The following HECW2 variants were observed in gnomAD, a reference collection of about 807,000 sequenced individuals.
HECW2 encodes the protein HECT, C2 and WW domain containing E3 ubiquitin protein ligase 2.
A neutral mutation model predicts 175.2 loss-of-function variants in HECW2; 61 were observed. That is an observed-to-expected ratio of 0.35 (90% CI 0.28 to 0.43). The LOEUF (loss-of-function observed/expected upper bound fraction) is 0.43, where lower values mean the gene tolerates loss of function less well. Among genes scored for constraint, HECW2 ranks in the 20% least tolerant of loss-of-function variants. The pLI is 1.00. For missense variants in HECW2, 1,524 were observed against 2,000.5 expected, an observed-to-expected ratio of 0.76 and a Z score of 4.54; for synonymous variants, 671 against 731.0, an observed-to-expected ratio of 0.92 and a Z score of 1.32.
intron 17 of HECW2, among the ~76,000 whole-genome samples, chr2:196,261,152 A>G (rs1689275547): frequency 6.6e-6 from 1 of 152,218 alleles, no homozygotes; most frequent in Non-Finnish European, 1.5e-5. Flanking sequence ...CACTTCGCTT[A>G]GCAATTAAAA....
chr2:196,571,136 C>A (rs1375599216), intron 1 of HECW2, among the ~76,000 whole-genome samples: 1 of 152,184 alleles, frequency 6.6e-6, no homozygotes, highest in East Asian at 1.9e-4. Flanking sequence ...TCTTCCTTTA[C>A]ACAAAAATAA....
chr2:196,299,789 C>T lies in HECW2; in HGVS notation c.2814+6699G>A, dbSNP rs1366249124. On this transcript the variant is annotated intron_variant, in intron 13 of 28. Coordinates refer to ENST00000644978, the MANE Select transcript of HECW2 (RefSeq NM_001348768.2). ...CTAAAAATACAAAAAATTAGCCGGGCGTGGTGGCGGGCATCTTTGGTCCCA... is the reference window on the plus strand; with the variant it reads ...CTAAAAATACAAAAAATTAGCCGGGTGTGGTGGCGGGCATCTTTGGTCCCA... Among the ~76,000 whole-genome samples, 103 of 151,986 alleles carry T rather than the reference C, an allele frequency of 6.8e-4. 1 individual carries two copies. The highest frequency in any genetic ancestry group is 6.6e-3 in the Admixed American group (101 of 15,264).
intron 2 of HECW2, among the ~76,000 whole-genome samples, chr2:196,389,050 A>C (rs1406983462): frequency 6.6e-6 from 1 of 152,198 alleles, no homozygotes; most frequent in Non-Finnish European, 1.5e-5. Flanking sequence ...CTGAAGCATA[A>C]ATATATTGGC....
intron 11 of HECW2, among the ~76,000 whole-genome samples, chr2:196,307,613 A>G (rs1223439686): frequency 1.3e-5 from 2 of 152,242 alleles, no homozygotes; most frequent in African/African-American, 4.8e-5. Context: ...AAGATTCTAG[A>G]GACTAGAAAA....
chr2:196,306,506 G>A lies in HECW2; in HGVS notation c.2796C>T (p.Thr932=), dbSNP rs764107346. Residue 932 remains threonine, a synonymous_variant, in exon 13 of 29, where the codon ACC becomes ACT. Transcript: ENST00000644978. ...VKFLISPEFF[T]VLHSNPSAYR... is the part of the protein sequence containing the mutation. ...TACTCACAGGGTTAGAATGCAGCAC[G>A]GTGAAGAACTCTGGGCTGATGAGGA... The A allele has an allele frequency of 1.8e-5, 29 of 1,609,942 alleles. No homozygotes were observed. Among genetic ancestry groups the A allele is most frequent in the East Asian group, 1.8e-4 (8 of 44,492 alleles).
chr2:196,329,491 G>C (rs931412859), intron 5 of HECW2, 84 bp downstream of exon 5: 8 of 1,109,900 alleles, frequency 7.2e-6, no homozygotes, highest in Non-Finnish European at 1.1e-5. Flanking sequence ...TATCATATAC[G>C]AAAGTCTGCA....
chr2:196,528,733 T>C (rs141166700), intron 1 of HECW2, among the ~76,000 whole-genome samples: 4 of 152,338 alleles, frequency 2.6e-5, no homozygotes, highest in Admixed American at 2.6e-4. Context: ...CTGGTTCTTT[T>C]CCTAGTTCTA....
chr2:196,559,512 T>A lies in HECW2; in HGVS notation c.-36+33996A>T, dbSNP rs112103978. ...CAACATCTGGAGTCCAGTTGATTAC[T>A]GCTCATAGGGTTATGCGACAAGCCT... On this transcript the variant is annotated intron_variant, in intron 1 of 28. Coordinates refer to ENST00000644978, the MANE Select transcript of HECW2 (RefSeq NM_001348768.2). Among the ~76,000 whole-genome samples, 443 of 152,332 alleles carry A rather than the reference T, an allele frequency of 2.9e-3. 1 individual carries two copies. Among genetic ancestry groups the A allele is most frequent in the African/African-American group, 0.01 (420 of 41,576 alleles).
At chr2:196,250,574 T>C (rs1195960500) in intron 19 of HECW2, among the ~76,000 whole-genome samples, 1 of 152,092 alleles carries the variant, frequency 6.6e-6, no homozygotes, top group Non-Finnish European at 1.5e-5. Flanking sequence ...AAGAATGAAA[T>C]TCCCAGTTGG....
intron 15 of HECW2, among the ~76,000 whole-genome samples, chr2:196,277,944 C>T: frequency 9.2e-6 from 1 of 109,228 alleles, no homozygotes; most frequent in Non-Finnish European, 1.7e-5. Flanking sequence ...CACTTGGACA[C>T]AGGAAGGGGA....
In HECW2 at chr2:196,216,568, C is replaced by A. The variant is rs139723764; in HGVS notation, c.4494+440G>T. Among the ~76,000 whole-genome samples, 6 of 151,290 alleles carry A rather than the reference C, an allele frequency of 4.0e-5. No homozygotes were observed. In the East Asian group the frequency reaches 1.2e-3, roughly 29 times the overall value. On this transcript the variant is annotated intron_variant, in intron 27 of 28. Transcript: ENST00000644978. Reference sequence around the variant, plus strand: ...AACACAAGTTAGTTTTCCCACTGTTCTTGAATGTCACTGTTTTCTCAAATT... The same window carrying A: ...AACACAAGTTAGTTTTCCCACTGTTATTGAATGTCACTGTTTTCTCAAATT...
rs73042322 is a variant in HECW2, at chr2:196,258,156, C to A, written c.3336-250G>T. 4,555 of 479,770 alleles carry A rather than the reference C, an allele frequency of 9.5e-3. 168 individuals carry two copies. Among genetic ancestry groups the A allele is most frequent in the African/African-American group, 0.079 (4,084 of 51,452 alleles). The allele number at this position is 479,770 out of a possible 1,614,324, so 29.7% of individuals were successfully genotyped here. On this transcript the variant is annotated intron_variant, in intron 17 of 28. Coordinates refer to ENST00000644978, the MANE Select transcript of HECW2 (RefSeq NM_001348768.2). ...AGAAAGATTCTTTCACTGGCTTCAT[C>A]ATTTTGCTGCCCAAGTACTATAAAT...
At chr2:196,246,144 C>A (rs1282266250) in intron 19 of HECW2, among the ~76,000 whole-genome samples, 1 of 152,138 alleles carries the variant, frequency 6.6e-6, no homozygotes, top group Non-Finnish European at 1.5e-5. Flanking sequence ...CACGAAGGAA[C>A]ATTATCTCCA....
At chr2:196,243,144 A>G (rs575656680) in intron 19 of HECW2, among the ~76,000 whole-genome samples, 1 of 151,352 alleles carries the variant, frequency 6.6e-6, no homozygotes, top group East Asian at 1.9e-4. Context: ...TGCACAAAGA[A>G]TAAATAATAT....
intron 17 of HECW2, among the ~76,000 whole-genome samples, chr2:196,265,351 A>G (rs1424462259): frequency 1.3e-5 from 2 of 152,184 alleles, no homozygotes; most frequent in East Asian, 3.9e-4. Context: ...CGGGCATGGT[A>G]GTGCATTGCT....
chr2:196,403,127 T>C (rs562782903), intron 2 of HECW2, among the ~76,000 whole-genome samples: 39 of 152,296 alleles, frequency 2.6e-4, no homozygotes, highest in African/African-American at 9.1e-4. Flanking sequence ...CTTATTCTTC[T>C]GTCATTCTTT....
intron 2 of HECW2, among the ~76,000 whole-genome samples, chr2:196,363,221 G>C (rs1224922388): frequency 6.6e-6 from 1 of 151,984 alleles, no homozygotes; most frequent in Non-Finnish European, 1.5e-5. Context: ...ATAATAGCAA[G>C]CATGTTCAGA....
chr2:196,320,474 A>C, intron 7 of HECW2, 35 bp from the exon 8 acceptor site: 7 of 1,377,768 alleles, frequency 5.1e-6, no homozygotes, highest in African/African-American at 1.4e-5. Context: ...CATCCTGACT[A>C]CGCTGGAGTC....
intron 17 of HECW2, among the ~76,000 whole-genome samples, chr2:196,264,447 C>A (rs982909572): frequency 6.6e-6 from 1 of 152,152 alleles, no homozygotes; most frequent in African/African-American, 2.4e-5. Context: ...AGAAAACCAT[C>A]TTGAAAATCA....
Sources: allele counts gnomAD v4.1 joint callset (sites outside exome capture counted in the v4.1 genomes callset), GRCh38; gene constraint gnomAD v4.1.1; transcripts MANE v1.5; gene names NCBI Gene and HGNC (gene_info 2026-07-23, HGNC 2026-07-21).